The following SNX29 variants were observed in gnomAD, a reference collection of about 807,000 sequenced individuals.
SNX29 encodes sorting nexin 29.
A neutral mutation model predicts 102.1 loss-of-function variants in SNX29; 78 were observed. That is an observed-to-expected ratio of 0.76 (90% CI 0.64 to 0.92). The LOEUF is 0.92. Ranked by LOEUF, SNX29 falls within the 40% of genes least tolerant of loss-of-function variation. The probability of loss-of-function intolerance (pLI) is 0.00; values close to 1 mark genes in which losing one functional copy is unlikely to be tolerated. For missense variants in SNX29, 1,280 were observed against 1,061.7 expected, an observed-to-expected ratio of 1.21 and a Z score of -2.86; for synonymous variants, 580 against 414.5, an observed-to-expected ratio of 1.40 and a Z score of -4.85.
chr16:12,020,511 A>G (rs2056986163), intron 3 of SNX29, among the ~76,000 whole-genome samples: 1 of 151,620 alleles, frequency 6.6e-6, no homozygotes, highest in Non-Finnish European at 1.5e-5. Context: ...CTGTTCTTAG[A>G]TTTTTATCTG....
chr16:12,470,360 G>A (rs535019569), intron 18 of SNX29, among the ~76,000 whole-genome samples: 27 of 152,312 alleles, frequency 1.8e-4, no homozygotes, highest in Non-Finnish European at 2.8e-4. Flanking sequence ...TCATGTCAGC[G>A]GGTTTCTCTG....
rs147832711 is a variant in SNX29 at position 11,985,897 on chromosome 16, A to G, written c.7+9084A>G. ...ACCCAGGCTGGACTGTAGTGGCGTG[A>G]TCTTGGCTCACTGCAACCTCTGTCT... is the stretch of plus-strand genomic sequence containing the variant. On this transcript the variant is annotated intron_variant, in intron 1 of 20. Transcript: ENST00000566228. 3.1e-3 allele frequency among the ~76,000 whole-genome samples: 447 copies of G among 144,466 alleles called. 1 individual carries two copies. Among genetic ancestry groups the G allele is most frequent in the African/African-American group, 0.011 (429 of 38,590 alleles). 94.8% of individuals were successfully genotyped at this position (144,466 alleles called of 152,430 possible).
intron 19 of SNX29, among the ~76,000 whole-genome samples, chr16:12,486,531 C>T (rs1377543574): frequency 6.6e-6 from 1 of 152,252 alleles, no homozygotes; most frequent in African/African-American, 2.4e-5. Flanking sequence ...TTGCTTGGGC[C>T]ATCTCGCTTG....
intron 15 of SNX29, among the ~76,000 whole-genome samples, chr16:12,320,190 A>T (rs1231596441): frequency 2.0e-5 from 3 of 151,870 alleles, no homozygotes; most frequent in Admixed American, 2.0e-4. Context: ...TCCCAGGGGG[A>T]GGTCTCCCTC....
chr16:12,090,990 G>A (rs2052498861), intron 11 of SNX29, among the ~76,000 whole-genome samples: 1 of 135,806 alleles, frequency 7.4e-6, no homozygotes, highest in Non-Finnish European at 1.5e-5. Context: ...ACTCCAGCGT[G>A]GGCGACAGAG....
chr16:12,227,145 C>T (rs558024953), intron 14 of SNX29, among the ~76,000 whole-genome samples: 3 of 754 alleles, frequency 4.0e-3, no homozygotes, highest in South Asian at 0.25. Flanking sequence ...GGGGGTCTGG[C>T]GGATTGGGTG....
rs2054225675 is a variant in SNX29, at chr16:12,126,654, T to G, written c.1424T>G (p.Val475Gly). ...TTAGGTGAACTGCGCCAGGCCACTGTGGCCATGATGAACAGGAAGGATGAG... is the reference window on the plus strand; with the variant it reads ...TTAGGTGAACTGCGCCAGGCCACTGGGGCCATGATGAACAGGAAGGATGAG... Reference protein sequence around the residue: ...MTISELRQATVAMMNRKDELE... With the variant: ...MTISELRQATGAMMNRKDELE... The change falls in exon 12 of 21, where the codon GTG (valine) becomes GGG (glycine). Residue 475 changes from valine to glycine, a missense_variant. Val to Gly is a moderately radical substitution (Grantham distance 109). Coordinates refer to ENST00000566228, the MANE Select transcript of SNX29 (RefSeq NM_032167.5). 5 of 1,613,938 alleles carry G rather than the reference T, an allele frequency of 3.1e-6. No homozygotes were observed. Among genetic ancestry groups the G allele is most frequent in the African/African-American group, 2.7e-5 (2 of 74,950 alleles).
intron 16 of SNX29, among the ~76,000 whole-genome samples, chr16:12,391,842 A>T (rs1476646400): frequency 6.6e-6 from 1 of 152,148 alleles, no homozygotes; most frequent in African/African-American, 2.4e-5. Flanking sequence ...TTTCCACCAT[A>T]GACATGATAG....
chr16:12,173,188 A>G (rs1465444319), intron 13 of SNX29, among the ~76,000 whole-genome samples: 1 of 152,210 alleles, frequency 6.6e-6, no homozygotes, highest in Non-Finnish European at 1.5e-5. Flanking sequence ...CTGGTCTTAG[A>G]ATTGCAGCCA....
intron 15 of SNX29, among the ~76,000 whole-genome samples, chr16:12,280,755 G>A (rs1300037173): frequency 5.3e-5 from 8 of 152,154 alleles, no homozygotes; most frequent in Non-Finnish European, 1.0e-4. Context: ...CCCTCAGAAC[G>A]TTCTTTGTGA....
rs1425487246 is a variant in SNX29 at position 12,055,250 on chromosome 16, C to G, written c.1124+3028C>G. Among the ~76,000 whole-genome samples, 3 of 61,670 alleles carry G rather than the reference C, an allele frequency of 4.9e-5. No individual in the cohort carries two copies. The East Asian group carries it at 7.7e-4, about 16-fold the overall frequency. 40.5% of individuals were successfully genotyped at this position (61,670 alleles called of 152,430 possible). A position where few individuals can be genotyped will look rare whatever the true frequency, so the allele number is the denominator to read the frequency against. On this transcript the variant is annotated intron_variant, in intron 8 of 20. Transcript: ENST00000566228. Reference sequence around the variant, plus strand: ...TGTTTCCTTTCTTTTTTTTTTTTTTCTGAGATGGAGTCTTGCTTTGTCACC... The same window carrying G: ...TGTTTCCTTTCTTTTTTTTTTTTTTGTGAGATGGAGTCTTGCTTTGTCACC...
chr16:12,570,014 T>C lies in SNX29; in HGVS notation c.*1385T>C, dbSNP rs2079152793. 9.8e-6 allele frequency: 3 copies of C among 307,240 alleles called. No homozygotes were observed. The highest frequency in any genetic ancestry group is 1.6e-5 in the Non-Finnish European group (3 of 186,076). The allele number at this position is 307,240 out of a possible 1,614,324, so 19.0% of individuals were successfully genotyped here. The stretch of plus-strand genomic sequence containing the variant: ...CAACTCAGTGGCTTAAAATGAGAAC[T>C]GCCCAGGTGAGCATGGAGCATCTCC... On this transcript the variant is annotated 3_prime_UTR_variant, in exon 21 of 21. Coordinates refer to ENST00000566228, the MANE Select transcript of SNX29 (RefSeq NM_032167.5).
At chr16:12,408,466 C>T (rs928066019) in intron 18 of SNX29, among the ~76,000 whole-genome samples, 2 of 152,252 alleles carry the variant, frequency 1.3e-5, no homozygotes, top group African/African-American at 2.4e-5. Context: ...CGTCCAGTAT[C>T]TCAGGACATC....
intron 20 of SNX29, chr16:12,557,216 C>T (rs2078423706): frequency 6.6e-6 from 1 of 152,214 alleles, no homozygotes; most frequent in Non-Finnish European, 1.5e-5. Flanking sequence ...GAAAGGCTGA[C>T]ATACGAATTT....
At chr16:12,298,825 A>G (rs1313297375) in intron 15 of SNX29, among the ~76,000 whole-genome samples, 3 of 152,116 alleles carry the variant, frequency 2.0e-5, no homozygotes, top group African/African-American at 7.2e-5. Context: ...TTGCTTTCAC[A>G]TGTGGCGTGA....
At chr16:12,463,365 T>G (rs1262598687) in intron 18 of SNX29, among the ~76,000 whole-genome samples, 2 of 152,160 alleles carry the variant, frequency 1.3e-5, no homozygotes, top group Non-Finnish European at 2.9e-5. Context: ...AGAAAGAGCT[T>G]TAATTGGACT....
At chr16:12,296,093 T>G (rs2079971040) in intron 15 of SNX29, among the ~76,000 whole-genome samples, 1 of 152,252 alleles carries the variant, frequency 6.6e-6, no homozygotes, top group Admixed American at 6.5e-5. Flanking sequence ...GAAAAATTTT[T>G]CTTCCTTCGG....
intron 20 of SNX29, chr16:12,527,143 C>A: frequency 2.0e-6 from 1 of 512,380 alleles, no homozygotes. Context: ...ATCCCACAGC[C>A]CCCTTCTCCT....
At chr16:12,309,860 C>T (rs1194553355) in intron 15 of SNX29, among the ~76,000 whole-genome samples, 2 of 152,170 alleles carry the variant, frequency 1.3e-5, no homozygotes, top group Admixed American at 6.5e-5. Context: ...CCATCCCCTA[C>T]CCTTGGTCTG....
Sources: allele counts gnomAD v4.1 joint callset (sites outside exome capture counted in the v4.1 genomes callset), GRCh38; gene constraint gnomAD v4.1.1; transcripts MANE v1.5; gene names NCBI Gene and HGNC (gene_info 2026-07-23, HGNC 2026-07-21).